Variants in SAMMSON observed in about 807,000 individuals in gnomAD.
SAMMSON encodes survival associated mitochondrial melanoma specific oncogenic non-coding RNA.
At chr3:70,219,035 A>G (rs1701438633) in intron 4 of SAMMSON, among the ~76,000 whole-genome samples, 3 of 152,174 alleles carry the variant, frequency 2.0e-5, no homozygotes, top group Non-Finnish European at 4.4e-5. Flanking sequence ...CATTTGTTCC[A>G]ATTTTTAGTA....
At chr3:70,381,138 G>T (rs1703062707) in intron 9 of SAMMSON, among the ~76,000 whole-genome samples, 1 of 152,156 alleles carries the variant, frequency 6.6e-6, no homozygotes, top group African/African-American at 2.4e-5. Context: ...GTAGAGCAGT[G>T]CAGTTCTCAT....
intron 1 of SAMMSON, among the ~76,000 whole-genome samples, chr3:70,002,033 G>A (rs1041720674): frequency 6.6e-5 from 10 of 152,084 alleles, no homozygotes; most frequent in African/African-American, 2.2e-4. Flanking sequence ...AGAGTATAGA[G>A]ACCTACTTTA....
intron 7 of SAMMSON, among the ~76,000 whole-genome samples, chr3:70,347,330 G>A (rs888781081): frequency 2.6e-5 from 4 of 152,200 alleles, no homozygotes; most frequent in Non-Finnish European, 5.9e-5. Flanking sequence ...AACAAATCAA[G>A]GGAGGGCAAT....
intron 9 of SAMMSON, among the ~76,000 whole-genome samples, chr3:70,363,149 A>T (rs1354229002): frequency 2.0e-5 from 3 of 152,012 alleles, no homozygotes; most frequent in African/African-American, 7.2e-5. Flanking sequence ...AGCCAACAAA[A>T]CTTGCCTAGT....
chr3:70,045,204 A>ATATTAAT (rs2067122029), intron 3 of SAMMSON, among the ~76,000 whole-genome samples: 3 of 132,844 alleles, frequency 2.3e-5, no homozygotes, highest in Non-Finnish European at 3.3e-5. Flanking sequence ...ATTAATTATA[A>ATATTAAT]TATAATTAAA....
intron 4 of SAMMSON, among the ~76,000 whole-genome samples, chr3:70,139,933 C>T (rs1486055126): frequency 6.6e-6 from 1 of 152,144 alleles, no homozygotes; most frequent in Non-Finnish European, 1.5e-5. Flanking sequence ...CAAATTTGGT[C>T]ACACCCTTCA....
intron 4 of SAMMSON, among the ~76,000 whole-genome samples, chr3:70,227,165 A>T (rs891481135): frequency 6.6e-6 from 1 of 152,214 alleles, no homozygotes; most frequent in African/African-American, 2.4e-5. Context: ...CAACAAGATC[A>T]TATTTTTGTC....
chr3:70,401,156 T>C (rs899460563), intron 2 of SAMMSON, among the ~76,000 whole-genome samples: 1 of 152,220 alleles, frequency 6.6e-6, no homozygotes, highest in South Asian at 2.1e-4. Flanking sequence ...ATAATAGATA[T>C]TTTGTTTTTT....
At chr3:70,426,345 G>A (rs1701368490) in intron 2 of SAMMSON, among the ~76,000 whole-genome samples, 1 of 152,108 alleles carries the variant, frequency 6.6e-6, no homozygotes, top group African/African-American at 2.4e-5. Flanking sequence ...ATAGTATATT[G>A]CAAACAACCA....
intron 3 of SAMMSON, among the ~76,000 whole-genome samples, chr3:70,067,418 G>A (rs574207582): frequency 1.3e-5 from 2 of 152,044 alleles, no homozygotes; most frequent in Admixed American, 6.6e-5. Flanking sequence ...GGTAACAATA[G>A]GTACTGGTTT....
chr3:70,339,110 C>G (rs888245509), intron 7 of SAMMSON, among the ~76,000 whole-genome samples: 6 of 152,064 alleles, frequency 3.9e-5, no homozygotes, highest in Non-Finnish European at 7.4e-5. Context: ...AGTCTATAAC[C>G]ATCTGATCTT....
intron 2 of SAMMSON, among the ~76,000 whole-genome samples, chr3:70,431,217 C>G (rs1171468444): frequency 6.6e-6 from 1 of 152,026 alleles, no homozygotes; most frequent in Non-Finnish European, 1.5e-5. Context: ...GGAGCCCTCA[C>G]TAAGTTGTTT....
intron 3 of SAMMSON, among the ~76,000 whole-genome samples, chr3:70,026,492 G>T (rs1290842543): frequency 6.6e-6 from 1 of 152,032 alleles, no homozygotes; most frequent in Non-Finnish European, 1.5e-5. Flanking sequence ...ATATCTGAGG[G>T]TACTGCTTTA....
chr3:70,375,351 A>G (rs1466312228), intron 9 of SAMMSON, among the ~76,000 whole-genome samples: 1 of 148,290 alleles, frequency 6.7e-6, no homozygotes, highest in Non-Finnish European at 1.5e-5. Flanking sequence ...TTTCTGCTTC[A>G]TGGCAACATT....
chr3:70,390,394 G>A (rs902300990), downstream of SAMMSON, among the ~76,000 whole-genome samples: 5 of 152,078 alleles, frequency 3.3e-5, no homozygotes, highest in Admixed American at 3.3e-4. Context: ...AAATACCTGA[G>A]ACTGGATAAT....
At chr3:70,019,885 C>G (rs1038227389) in intron 3 of SAMMSON, among the ~76,000 whole-genome samples, 6 of 152,088 alleles carry the variant, frequency 3.9e-5, no homozygotes, top group Non-Finnish European at 1.5e-5. Context: ...TGTTTGACAG[C>G]CTTTGTCACA....
At chr3:70,101,231 C>G (rs1299178455) in intron 4 of SAMMSON, among the ~76,000 whole-genome samples, 1 of 152,070 alleles carries the variant, frequency 6.6e-6, no homozygotes, top group African/African-American at 2.4e-5. Context: ...GTAGTGCTAT[C>G]CAGTGTTGTT....
chr3:70,318,078 T>G (rs1313747539), intron 7 of SAMMSON, among the ~76,000 whole-genome samples: 6 of 151,938 alleles, frequency 3.9e-5, no homozygotes, highest in Non-Finnish European at 8.8e-5. Context: ...TTGACTAGGA[T>G]GTACTTAGAT....
At chr3:70,127,999 C>A (rs1247470981) in intron 4 of SAMMSON, among the ~76,000 whole-genome samples, 2 of 152,136 alleles carry the variant, frequency 1.3e-5, no homozygotes, top group Admixed American at 1.3e-4. Context: ...TAGTAAGGAC[C>A]AGAATGGATA....
Sources: gnomAD v4.1 joint callset for allele counts (sites outside exome capture counted in the v4.1 genomes callset) on GRCh38, gnomAD v4.1.1 for gene constraint, MANE v1.5 for transcripts, NCBI Gene and HGNC (gene_info 2026-07-23, HGNC 2026-07-21) for gene names.